MDGA1: variants seen among roughly 807,000 people sequenced by gnomAD.
The protein encoded by MDGA1 is MAM domain-containing glycosylphosphatidylinositol anchor protein 1.
MDGA1 carries 54 observed loss-of-function variants against 101.5 expected under a neutral mutation model. The ratio of observed to expected loss-of-function variants is 0.53; its 90% CI spans 0.43 to 0.67. The LOEUF (loss-of-function observed/expected upper bound fraction) is 0.67, where lower values mean the gene tolerates loss of function less well. Ranked by LOEUF, MDGA1 falls within the 30% of genes least tolerant of loss-of-function variation. The pLI is 0.00. For synonymous variants in MDGA1, 533 were observed against 558.3 expected (o/e 0.95, Z 0.64); for missense variants, 1,083 against 1,323.8 (o/e 0.82, Z 2.82).
Position 37,658,427 on chromosome 6 carries a change from G to C in MDGA1, c.208-8C>G, listed in dbSNP as rs767991825. 1.9e-6 allele frequency: 3 copies of C among 1,599,016 alleles called. No homozygotes were observed. The highest frequency in any genetic ancestry group is 2.6e-6 in the Non-Finnish European group (3 of 1,172,578). On this transcript the variant is annotated splice_region_variant and splice_polypyrimidine_tract_variant and intron_variant, in intron 2 of 16. Coordinates refer to ENST00000434837, the MANE Select transcript of MDGA1 (RefSeq NM_153487.4). The stretch of plus-strand genomic sequence containing the variant: ...CGTCTTGGTCCACCGTACCTGGGCC[G>C]CCAGGCGGGGCAGAGTCAGACTGTC...
rs556298526 is a variant in MDGA1, at chr6:37,660,096, G to GT, written c.208-1678dup. ...GCTCTGTCACCCAGGCTGGAGTGCA[G>GT]TGGTACTCTTGGGCTCAAGGATCCT... is the stretch of plus-strand genomic sequence containing the variant. On this transcript the variant is annotated intron_variant, in intron 2 of 16. Coordinates refer to ENST00000434837, the MANE Select transcript of MDGA1 (RefSeq NM_153487.4). Among the ~76,000 whole-genome samples, 67 of 149,642 alleles carry GT rather than the reference G, an allele frequency of 4.5e-4. No individual in the cohort carries two copies. In the East Asian group the frequency reaches 9.4e-3, roughly 21 times the overall value.
Position 37,638,371 on chromosome 6 carries a change from A to C in MDGA1, c.2668-58T>G. ...TTGAGGAGGTTCTGCTGGGTACCAG[A>C]GTGCTCCCTCGACCCCACCTTTCCC... On this transcript the variant is annotated intron_variant, in intron 15 of 16. Transcript: ENST00000434837. This position sits in a 1 kb window ranked among gnomAD's most constrained non-coding sequence, Gnocchi z 4.8. 1 of 1,520,988 alleles carries C rather than the reference A, an allele frequency of 6.6e-7. No individual in the cohort carries two copies. The highest frequency in any genetic ancestry group is 9.0e-7 in the Non-Finnish European group (1 of 1,115,378). The allele number at this position is 1,520,988 out of a possible 1,614,324, so 94.2% of individuals were successfully genotyped here.
rs1210922572 is a variant in MDGA1, at chr6:37,649,082, C to T, written c.1794G>A (p.Ala598=). ...VPAAAEAPDH[A]ELRLDAVTRD... is the part of the protein sequence containing the mutation. ...GAGTTACGGCGTCGAGGCGCAGCTC[C>T]GCGTGATCCGGCGCCTCGGCGGCGG... Residue 598 remains alanine, a synonymous_variant, in exon 9 of 17, where the codon GCG becomes GCA. Coordinates refer to ENST00000434837, the MANE Select transcript of MDGA1 (RefSeq NM_153487.4). 6.5e-7 allele frequency: 1 copy of T among 1,528,322 alleles called. No individual in the cohort carries two copies. The highest frequency in any genetic ancestry group is 8.8e-7 in the Non-Finnish European group (1 of 1,139,252). The allele number at this position is 1,528,322 out of a possible 1,614,324, so 94.7% of individuals were successfully genotyped here. A position where few individuals can be genotyped will look rare whatever the true frequency, so the allele number is the denominator to read the frequency against.
chr6:37,676,902 G>GAA (rs564072339), intron 1 of MDGA1, among the ~76,000 whole-genome samples: 12,521 of 71,216 alleles, frequency 0.18, 699 homozygotes, highest in Middle Eastern at 0.33. Context: ...CATCTCAACA[G>GAA]AAAAAAAAAA....
rs1004896210 is a variant in MDGA1 at position 37,635,335 on chromosome 6, G to A, written c.*2033C>T. On this transcript the variant is annotated 3_prime_UTR_variant, in exon 17 of 17. Transcript: ENST00000434837. ...CGGGAGGTGGCGAAGGTGGAGGGGGGACTTGGAAGGCTCAGAGGAGGAGCT... is the reference window on the plus strand; with the variant it reads ...CGGGAGGTGGCGAAGGTGGAGGGGGAACTTGGAAGGCTCAGAGGAGGAGCT... 4 of 397,792 alleles carry A rather than the reference G, an allele frequency of 1.0e-5. No individual in the cohort carries two copies. The highest frequency in any genetic ancestry group is 6.2e-5 in the African/African-American group (3 of 48,644). The allele number at this position is 397,792 out of a possible 1,614,324, so 24.6% of individuals were successfully genotyped here.
At chr6:37,678,352 C>A (rs1447231603) in intron 1 of MDGA1, among the ~76,000 whole-genome samples, 1 of 152,152 alleles carries the variant, frequency 6.6e-6, no homozygotes, top group Non-Finnish European at 1.5e-5. Flanking sequence ...GCGATGCCAC[C>A]CTAGTCTTAG....
intron 1 of MDGA1, among the ~76,000 whole-genome samples, chr6:37,691,209 G>A (rs1762302138): frequency 6.6e-6 from 1 of 152,160 alleles, no homozygotes; most frequent in South Asian, 2.1e-4. Context: ...ACACCACACT[G>A]CTTTCCTTCC....
rs1262557247 is a variant in MDGA1, at chr6:37,650,357, C to T, written c.1361G>A (p.Arg454His). Residue 454 changes from arginine (R) to histidine (H), a missense_variant, in exon 8 of 17, where the codon CGC (arginine) becomes CAC (histidine). Transcript: ENST00000434837. ...TTGCAGCTCGGCAGGCGATCCCTCG[C>T]GCACGGTCACCACGGCCCTACCCTT... ...VPKGRAVVTVREGSPAELQCE... is the reference protein window; with the variant it reads ...VPKGRAVVTVHEGSPAELQCE... The T allele has an allele frequency of 4.4e-6, 7 of 1,575,708 alleles. No individual in the cohort carries two copies. Among genetic ancestry groups the T allele is most frequent in the Non-Finnish European group, 6.0e-6 (7 of 1,162,394 alleles).
At chr6:37,684,896 G>A (rs969375023) in intron 1 of MDGA1, among the ~76,000 whole-genome samples, 12 of 152,074 alleles carry the variant, frequency 7.9e-5, no homozygotes, top group Non-Finnish European at 1.6e-4. Flanking sequence ...CTGGAACACC[G>A]GAATCAAACC....
rs1164506863 is a variant in MDGA1, at chr6:37,650,036, T to A, written c.1609+73A>T. Reference sequence around the variant, plus strand: ...GGTTGGACTGGGGTGGGTGAGAGGATGAAGAGGGGACAGGCCGGCTGGGAG... The same window carrying A: ...GGTTGGACTGGGGTGGGTGAGAGGAAGAAGAGGGGACAGGCCGGCTGGGAG... On this transcript the variant is annotated intron_variant, in intron 8 of 16. Coordinates refer to ENST00000434837, the MANE Select transcript of MDGA1 (RefSeq NM_153487.4). The A allele has an allele frequency of 1.1e-4, 168 of 1,586,366 alleles. 1 individual carries two copies. Among genetic ancestry groups the A allele is most frequent in the Non-Finnish European group, 1.4e-4 (159 of 1,163,748 alleles).
chr6:37,687,615 C>G (rs568061985), intron 1 of MDGA1, among the ~76,000 whole-genome samples: 1 of 152,060 alleles, frequency 6.6e-6, no homozygotes, highest in Admixed American at 6.6e-5. Flanking sequence ...ACTTTGTTCT[C>G]CAGCTCTGAA....
rs1366355165 is a variant in MDGA1, at chr6:37,633,142, G to A, written c.*4226C>T. Reference sequence around the variant, plus strand: ...TCCCTAAGGTCCCTTCTAGTTATAAGGGTCAAGGGATCCCCAGGAAAGAGT... The same window carrying A: ...TCCCTAAGGTCCCTTCTAGTTATAAAGGTCAAGGGATCCCCAGGAAAGAGT... On this transcript the variant is annotated 3_prime_UTR_variant, in exon 17 of 17. Coordinates refer to ENST00000434837, the MANE Select transcript of MDGA1 (RefSeq NM_153487.4). 3.9e-5 allele frequency: 6 copies of A among 152,138 alleles called. No homozygotes were observed. Among genetic ancestry groups the A allele is most frequent in the Admixed American group, 2.6e-4 (4 of 15,264 alleles). The allele number at this position is 152,138 out of a possible 1,614,324, so 9.4% of individuals were successfully genotyped here.
In MDGA1 at chr6:37,644,678, G is replaced by A. The variant is rs545668449; in HGVS notation, c.2249-29C>T. The A allele has an allele frequency of 9.3e-6, 14 of 1,513,328 alleles. No individual in the cohort carries two copies. In the South Asian group the frequency reaches 1.6e-4, roughly 17 times the overall value. The allele number at this position is 1,513,328 out of a possible 1,614,324, so 93.7% of individuals were successfully genotyped here. On this transcript the variant is annotated intron_variant, in intron 12 of 16. Coordinates refer to ENST00000434837, the MANE Select transcript of MDGA1 (RefSeq NM_153487.4). ...CATTTTATGGGGCGAATGAGACAAAGAGTCAGCCTCTTCAGTCCCTGAGGC... is the reference window on the plus strand; with the variant it reads ...CATTTTATGGGGCGAATGAGACAAAAAGTCAGCCTCTTCAGTCCCTGAGGC...
In MDGA1 at chr6:37,655,407, C is replaced by T. The variant is rs1761461114; in HGVS notation, c.579+293G>A. ...TGGCCACAGGTTCCCAATACTCTGC[C>T]ACCCAGCAGCAGACTGGGATGACCT... On this transcript the variant is annotated intron_variant, in intron 4 of 16. Coordinates refer to ENST00000434837, the MANE Select transcript of MDGA1 (RefSeq NM_153487.4). This position sits in a 1 kb window ranked among gnomAD's most constrained non-coding sequence, Gnocchi z 5.1. 5.5e-6 allele frequency: 2 copies of T among 365,562 alleles called. No individual in the cohort carries two copies. The highest frequency in any genetic ancestry group is 2.0e-5 in the African/African-American group (1 of 49,230). The allele number at this position is 365,562 out of a possible 1,614,324, so 22.6% of individuals were successfully genotyped here.
At chr6:37,695,881 G>A (rs1762406833) in intron 1 of MDGA1, among the ~76,000 whole-genome samples, 1 of 152,202 alleles carries the variant, frequency 6.6e-6, no homozygotes, top group African/African-American at 2.4e-5. Context: ...GCGGGAGGCT[G>A]AGCCCAGGTG....
intron 1 of MDGA1, among the ~76,000 whole-genome samples, chr6:37,676,406 C>T (rs1386977277): frequency 6.6e-6 from 1 of 152,206 alleles, no homozygotes; most frequent in Non-Finnish European, 1.5e-5. Context: ...TCTCCAAGGC[C>T]CACAGAGCTA....
At chr6:37,660,037 T>TC (rs373605558) in intron 2 of MDGA1, among the ~76,000 whole-genome samples, 204 of 11,226 alleles carry the variant, frequency 0.018, no homozygotes, top group East Asian at 0.14. Flanking sequence ...TATCTCTCTC[T>TC]TTTTTTTTTT....
In MDGA1 at chr6:37,655,928, C is replaced by T. The variant is rs765533643; in HGVS notation, c.383-32G>A. On this transcript the variant is annotated intron_variant, in intron 3 of 16. Transcript: ENST00000434837. The surrounding 1 kb of genome is among the most constrained non-coding windows in gnomAD (Gnocchi z 5.1). ...GGGCACAGCCCCCATGGAGTCAGGA[C>T]TGGGTGACCCCAAGGTTGGGGGGCT... 1.3e-6 allele frequency: 2 copies of T among 1,578,412 alleles called. No homozygotes were observed. Among genetic ancestry groups the T allele is most frequent in the Non-Finnish European group, 8.6e-7 (1 of 1,160,950 alleles).
At chr6:37,676,333 A>C (rs1761977591) in intron 1 of MDGA1, among the ~76,000 whole-genome samples, 1 of 152,240 alleles carries the variant, frequency 6.6e-6, no homozygotes, top group African/African-American at 2.4e-5. Flanking sequence ...TGCTAAAGCA[A>C]GGAGCCCCCA....
Sources: allele counts gnomAD v4.1 joint callset (sites outside exome capture counted in the v4.1 genomes callset), GRCh38; gene constraint gnomAD v4.1.1; non-coding constraint Gnocchi (gnomAD v3.1); transcripts MANE v1.5; gene names NCBI Gene and HGNC (gene_info 2026-07-23, HGNC 2026-07-21).